The following ADSL variants were observed in gnomAD, a reference collection of about 807,000 sequenced individuals.
ADSL encodes adenylosuccinate lyase, also known as adenylosuccinase.
A neutral mutation model predicts 62.1 loss-of-function variants in ADSL; 44 were observed. That is an observed-to-expected ratio of 0.71 (90% CI 0.56 to 0.91). The LOEUF is 0.91. Ranked by LOEUF, ADSL falls within the 40% of genes least tolerant of loss-of-function variation. The pLI, the probability that ADSL is intolerant of heterozygous loss-of-function variation, is 0.00. For missense variants in ADSL, 531 were observed against 627.4 expected (o/e 0.85, Z 1.64); for synonymous variants, 198 against 220.5 (o/e 0.90, Z 0.90).
chr22:40,351,665 C>T (rs529297853), intron 2 of ADSL, among the ~76,000 whole-genome samples: 11 of 152,186 alleles, frequency 7.2e-5, no homozygotes, highest in Non-Finnish European at 1.0e-4. Context: ...TCCAGATAAA[C>T]GTCCAATTTG....
chr22:40,354,262 C>G lies in ADSL; in HGVS notation c.417C>G (p.Ile139Met). Reference protein sequence around the residue: ...DLLLPKLARVISRLADFAKER... With the variant: ...DLLLPKLARVMSRLADFAKER... Reference sequence around the variant, plus strand: ...CTTTCTTGTAGCTTGCCAGAGTGATCTCTCGGCTTGCCGACTTTGCTAAGG... The same window carrying G: ...CTTTCTTGTAGCTTGCCAGAGTGATGTCTCGGCTTGCCGACTTTGCTAAGG... The change falls in exon 4 of 13, where the codon ATC (isoleucine) becomes ATG (methionine). Residue 139 changes from isoleucine to methionine, a missense_variant. Ile to Met is a conservative substitution (Grantham distance 10). Transcript: ENST00000623063. 1.2e-6 allele frequency: 2 copies of G among 1,614,168 alleles called. No homozygotes were observed. Among genetic ancestry groups the G allele is most frequent in the East Asian group, 4.5e-5 (2 of 44,884 alleles).
chr22:40,382,136 G>A (rs903825777), intron 2 of ADSL, among the ~76,000 whole-genome samples: 2 of 152,084 alleles, frequency 1.3e-5, no homozygotes, highest in Non-Finnish European at 2.9e-5. Flanking sequence ...CCTGCCATGT[G>A]AGGTCAGGAT....
Position 40,346,731 on chromosome 22 carries a change from G to A in ADSL, c.153+20G>A, listed in dbSNP as rs2146613310. On this transcript the variant is annotated intron_variant, in intron 1 of 12. Coordinates refer to ENST00000623063, the MANE Select transcript of ADSL (RefSeq NM_000026.4). ...GAGCAGGTAACGGATCCCGGGCTGA[G>A]GGGCTGGGCCGGGAGGGACGGGCCC... 1 of 1,591,206 alleles carries A rather than the reference G, an allele frequency of 6.3e-7. No individual in the cohort carries two copies.
At chr22:40,380,673 C>T (rs1285275887) in intron 2 of ADSL, among the ~76,000 whole-genome samples, 1 of 152,178 alleles carries the variant, frequency 6.6e-6, no homozygotes, top group East Asian at 1.9e-4. Context: ...GCCTGGCTCA[C>T]ACCTGTAATC....
chr22:40,357,224 G>A (rs2044597920), intron 4 of ADSL, among the ~76,000 whole-genome samples: 1 of 146,690 alleles, frequency 6.8e-6, no homozygotes, highest in South Asian at 2.2e-4. Flanking sequence ...TTCAGAAACA[G>A]ACCTTCAGTG....
chr22:40,384,637 G>T (rs1243041330), intron 2 of ADSL, among the ~76,000 whole-genome samples: 4 of 151,824 alleles, frequency 2.6e-5, no homozygotes, highest in African/African-American at 7.3e-5. Context: ...AAAATTAGCT[G>T]GGCATGGTGG....
chr22:40,370,547 A>T (rs918833864), downstream of ADSL: 4 of 152,242 alleles, frequency 2.6e-5, no homozygotes, highest in Non-Finnish European at 5.9e-5. Flanking sequence ...GGCGGGAACG[A>T]CTACAGCCCC....
downstream of ADSL, among the ~76,000 whole-genome samples, chr22:40,371,885 C>T (rs931627268): frequency 6.6e-6 from 1 of 151,144 alleles, no homozygotes; most frequent in Admixed American, 6.6e-5. Flanking sequence ...TTAATAGAGA[C>T]GGGGTTTTTC....
Position 40,360,499 on chromosome 22 carries a change from G to A in ADSL, c.792+7G>A. On this transcript the variant is annotated splice_region_variant and intron_variant, in intron 7 of 12. Transcript: ENST00000623063. ...GGGGGCATCAGTGCACAAGGTGAGT[G>A]GTGGCAGCATGTGGGGTGGGGACAG... The A allele has an allele frequency of 6.2e-7, 1 of 1,611,504 alleles. No individual in the cohort carries two copies. The highest frequency in any genetic ancestry group is 8.5e-7 in the Non-Finnish European group (1 of 1,177,610).
chr22:40,374,287 G>A (rs1164315776), downstream of ADSL, among the ~76,000 whole-genome samples: 4 of 152,170 alleles, frequency 2.6e-5, no homozygotes, highest in Non-Finnish European at 5.9e-5. Flanking sequence ...AGTTGGGGAA[G>A]GAACACTTTA....
chr22:40,356,457 C>T (rs1189701838), intron 4 of ADSL, among the ~76,000 whole-genome samples: 2 of 151,426 alleles, frequency 1.3e-5, no homozygotes, highest in Non-Finnish European at 2.9e-5. Context: ...ATCACTTGAA[C>T]CCCGGAGGCA....
intron 3 of ADSL, chr22:40,353,928 A>G (rs2044450558): frequency 2.3e-6 from 1 of 427,592 alleles, no homozygotes; most frequent in African/African-American, 2.0e-5. Flanking sequence ...GCCCGGCCCA[A>G]GCATAGGCTT....
chr22:40,364,626 G>GA, intron 11 of ADSL: 2 of 626,962 alleles, frequency 3.2e-6, no homozygotes, highest in South Asian at 3.7e-5. Flanking sequence ...AAATGAGCAG[G>GA]AAACGAGCAA....
In ADSL at chr22:40,364,260, G is replaced by T. The variant is rs200428249; in HGVS notation, c.1102-16G>T. On this transcript the variant is annotated splice_polypyrimidine_tract_variant and intron_variant, in intron 10 of 12. Coordinates refer to ENST00000623063, the MANE Select transcript of ADSL (RefSeq NM_000026.4). ...GAGGCACCTTTCTTGGTCATTCACC[G>T]TATCTTTTCCTATAGGTAATTGAAC... 4 of 1,611,324 alleles carry T rather than the reference G, an allele frequency of 2.5e-6. No individual in the cohort carries two copies. In the African/African-American group the frequency reaches 4.0e-5, roughly 16 times the overall value.
intron 2 of ADSL, among the ~76,000 whole-genome samples, chr22:40,376,067 A>C (rs2046503442): frequency 1.3e-5 from 2 of 151,812 alleles, no homozygotes; most frequent in Non-Finnish European, 2.9e-5. Flanking sequence ...AAAAAAAAAA[A>C]CAAGATATGA....
intron 10 of ADSL, among the ~76,000 whole-genome samples, chr22:40,363,957 G>A (rs1430150288): frequency 2.6e-5 from 4 of 151,750 alleles, no homozygotes; most frequent in Admixed American, 2.6e-4. Flanking sequence ...GGCGCCTGTA[G>A]TCCCAGCTAC....
chr22:40,387,072 A>G (rs1470407723), intron 2 of ADSL: 1 of 394,546 alleles, frequency 2.5e-6, no homozygotes, highest in Non-Finnish European at 4.5e-6. Context: ...TGCAAAGTTG[A>G]TAACTAGAGT....
chr22:40,363,212 C>G (rs1039991387), intron 10 of ADSL, 141 bp downstream of exon 10: 2 of 750,134 alleles, frequency 2.7e-6, no homozygotes, highest in African/African-American at 3.5e-5. Flanking sequence ...AGTTCATAAG[C>G]TCTAGGGAAC....
chr22:40,359,538 T>C (rs2044698242), intron 6 of ADSL, among the ~76,000 whole-genome samples: 1 of 151,230 alleles, frequency 6.6e-6, no homozygotes, highest in Non-Finnish European at 1.5e-5. Flanking sequence ...GATTTCATTT[T>C]ATTTTATTAT....
Sources: allele counts gnomAD v4.1 joint callset (sites outside exome capture counted in the v4.1 genomes callset), GRCh38; gene constraint gnomAD v4.1.1; transcripts MANE v1.5; gene names NCBI Gene and HGNC (gene_info 2026-07-23, HGNC 2026-07-21).